Variants in C12orf42 observed in about 807,000 individuals in gnomAD.
C12orf42 encodes chromosome 12 open reading frame 42, also known as uncharacterized protein C12orf42.
C12orf42 carries 25 observed loss-of-function variants against 21.6 expected under a neutral mutation model. The observed-to-expected ratio is 1.16, with a 90% CI of 0.84 to 1.62. The LOEUF (loss-of-function observed/expected upper bound fraction) is 1.62. Ranked by LOEUF, C12orf42 falls within the 40% of genes most tolerant of loss-of-function variation. The pLI, the probability that C12orf42 is intolerant of heterozygous loss-of-function variation, is 0.00. For synonymous variants in C12orf42, 174 were observed against 175.0 expected, an observed-to-expected ratio of 0.99 and a Z score of 0.05; for missense variants, 483 against 459.3, an observed-to-expected ratio of 1.05 and a Z score of -0.47.
chr12:103,173,565 T>G, the C12orf42 span, among the ~76,000 whole-genome samples: 5 of 152,130 alleles, frequency 3.3e-5, no homozygotes, highest in African/African-American at 1.2e-4. Flanking sequence ...ACAACTTTTG[T>G]CTTTCATTGT....
chr12:103,319,668 A>G (rs2039889324), intron 4 of C12orf42, among the ~76,000 whole-genome samples: 1 of 152,254 alleles, frequency 6.6e-6, no homozygotes, highest in South Asian at 2.1e-4. Flanking sequence ...CAATAGTTCA[A>G]AGATTGCCCT....
At chr12:103,137,119 CTATT>C in the C12orf42 span, among the ~76,000 whole-genome samples, 1 of 152,068 alleles carries the variant, frequency 6.6e-6, no homozygotes, top group African/African-American at 2.4e-5. Context: ...TATTTGCAAA[CTATT>C]CATTCAAGGA....
chr12:103,561,042 T>A, the C12orf42 span, among the ~76,000 whole-genome samples: 5 of 152,184 alleles, frequency 3.3e-5, no homozygotes, highest in Non-Finnish European at 5.9e-5. Flanking sequence ...TTTTACCTCA[T>A]GGAATCAGGC....
the C12orf42 span, among the ~76,000 whole-genome samples, chr12:103,523,512 T>A: frequency 2.0e-5 from 3 of 151,816 alleles, no homozygotes; most frequent in Non-Finnish European, 4.4e-5. Flanking sequence ...AAAACAATGC[T>A]GTAGTTGCTT....
intron 4 of C12orf42, among the ~76,000 whole-genome samples, chr12:103,356,610 A>G (rs2043588095): frequency 6.6e-6 from 1 of 151,844 alleles, no homozygotes; most frequent in South Asian, 2.1e-4. Flanking sequence ...ACTGACTTCC[A>G]CAATGGTTGA....
chr12:103,277,993 T>C (rs147013210), intron 4 of C12orf42, among the ~76,000 whole-genome samples: 1 of 152,096 alleles, frequency 6.6e-6, no homozygotes, highest in Non-Finnish European at 1.5e-5. Context: ...CATTCATGGA[T>C]AGAATATTGA....
chr12:103,314,118 C>A lies in C12orf42; in HGVS notation c.260-7773G>T, dbSNP rs767892296. ...TTTCAGGAGTGGAAAAAAAGAGTAT[C>A]CCAGCCTGACAAAGACAGATGTGTT... is the stretch of plus-strand genomic sequence containing the variant. On this transcript the variant is annotated intron_variant, in intron 4 of 5. Coordinates refer to ENST00000548883, the MANE Select transcript of C12orf42 (RefSeq NM_198521.5). 2.0e-4 allele frequency among the ~76,000 whole-genome samples: 31 copies of A among 152,166 alleles called. No individual in the cohort carries two copies. The Middle Eastern group carries it at 0.01, about 50-fold the overall frequency.
At chr12:103,477,319 G>A (rs1212029642) in intron 2 of C12orf42, among the ~76,000 whole-genome samples, 2 of 152,142 alleles carry the variant, frequency 1.3e-5, no homozygotes, top group East Asian at 1.9e-4. Flanking sequence ...CTCGGTGAAA[G>A]TGTTCTACTC....
the C12orf42 span, among the ~76,000 whole-genome samples, chr12:103,112,524 G>T: frequency 2.6e-5 from 4 of 152,064 alleles, no homozygotes; most frequent in Non-Finnish European, 4.4e-5. Context: ...AGCAGAGCAT[G>T]GTGGCAAGCA....
At chr12:103,089,101 C>CAAAAAAAAAAA in the C12orf42 span, among the ~76,000 whole-genome samples, 6 of 54,840 alleles carry the variant, frequency 1.1e-4, no homozygotes, top group Non-Finnish European at 1.6e-4. Context: ...GACTCCATCT[C>CAAAAAAAAAAA]AAAAAAAAAA....
At chr12:103,462,405 C>A (rs1952799278) in intron 2 of C12orf42, among the ~76,000 whole-genome samples, 1 of 151,762 alleles carries the variant, frequency 6.6e-6, no homozygotes, top group African/African-American at 2.4e-5. Flanking sequence ...GCCACTGCAC[C>A]CAGCCTATTT....
intron 5 of C12orf42, 121 bp from the exon 6 acceptor site, chr12:103,302,680 G>GAAAAA (rs77313816): frequency 1.5e-4 from 72 of 468,660 alleles, no homozygotes; most frequent in South Asian, 7.6e-4. Context: ...AGAGGGGAAA[G>GAAAAA]AAAAAAAAAA....
the C12orf42 span, among the ~76,000 whole-genome samples, chr12:103,539,560 T>A: frequency 6.6e-6 from 1 of 152,008 alleles, no homozygotes; most frequent in South Asian, 2.1e-4. Flanking sequence ...GTATGTACGT[T>A]CCTAAAATTG....
the C12orf42 span, among the ~76,000 whole-genome samples, chr12:103,065,138 G>A: frequency 2.0e-5 from 3 of 152,174 alleles, no homozygotes; most frequent in Non-Finnish European, 4.4e-5. Context: ...AGAGACTAGT[G>A]ACACCATCAA....
chr12:103,559,682 G>A, the C12orf42 span: 1 of 152,334 alleles, frequency 6.6e-6, no homozygotes, highest in South Asian at 2.1e-4. Context: ...GACACTAGGT[G>A]TCCACATTCT....
chr12:103,312,569 ACCGTGTCCTCCAGCTTCCT>A (rs2039072552), intron 4 of C12orf42, among the ~76,000 whole-genome samples: 1 of 152,206 alleles, frequency 6.6e-6, no homozygotes, highest in African/African-American at 2.4e-5. Flanking sequence ...AACATTCTTA[ACCGTGTCCTCCAGCTTCCT>A]CAGGCTACTG....
At chr12:103,401,392 T>C (rs989310445) in intron 3 of C12orf42, among the ~76,000 whole-genome samples, 1 of 152,186 alleles carries the variant, frequency 6.6e-6, no homozygotes, top group African/African-American at 2.4e-5. Flanking sequence ...CATATCTGCG[T>C]GCAAAGAATA....
chr12:103,329,464 G>A (rs1566090081), intron 4 of C12orf42, among the ~76,000 whole-genome samples: 1 of 151,924 alleles, frequency 6.6e-6, no homozygotes, highest in Non-Finnish European at 1.5e-5. Context: ...AGATTGATAG[G>A]TGCAGCAAAC....
At chr12:103,486,170 T>A (rs1954816280) in intron 1 of C12orf42, among the ~76,000 whole-genome samples, 1 of 152,102 alleles carries the variant, frequency 6.6e-6, no homozygotes, top group Admixed American at 6.6e-5. Context: ...TTATTGAGAG[T>A]TTTTAGCACG....
Sources: gnomAD v4.1 joint callset for allele counts (sites outside exome capture counted in the v4.1 genomes callset) on GRCh38, gnomAD v4.1.1 for gene constraint, MANE v1.5 for transcripts, NCBI Gene and HGNC (gene_info 2026-07-23, HGNC 2026-07-21) for gene names.